The following BICC1 variants were observed in gnomAD, a reference collection of about 807,000 sequenced individuals.
BICC1 encodes BicC family RNA binding protein 1.
A neutral mutation model predicts 111.0 loss-of-function variants in BICC1; 43 were observed. The observed-to-expected ratio is 0.39, with a 90% CI of 0.30 to 0.50. The LOEUF is 0.50. BICC1 is among the 20% of genes least tolerant of loss of function. The pLI is 0.88. For synonymous variants in BICC1, 467 were observed against 434.4 expected (o/e 1.07, Z -0.93); for missense variants, 1,091 against 1,203.2 (o/e 0.91, Z 1.38).
In BICC1 at chr10:58,806,518, A is replaced by G. The variant is rs542203505; in HGVS notation, c.2182-66A>G. 2.7e-4 allele frequency: 377 copies of G among 1,415,288 alleles called. 7 individuals carry two copies. The South Asian group carries it at 4.0e-3, about 15-fold the overall frequency. The allele number at this position is 1,415,288 out of a possible 1,614,324, so 87.7% of individuals were successfully genotyped here. The stretch of plus-strand genomic sequence containing the variant: ...ACACAGTCAAAACCTTTGTTCTCTA[A>G]CCATGGAGTGTTGGCATGACATTTG... On this transcript the variant is annotated intron_variant, in intron 15 of 20. Transcript: ENST00000373886.
chr10:58,536,210 A>T (rs1286949620), intron 1 of BICC1, among the ~76,000 whole-genome samples: 1 of 151,630 alleles, frequency 6.6e-6, no homozygotes, highest in Non-Finnish European at 1.5e-5. Flanking sequence ...CTCTAGAACA[A>T]ACTGACCTAA....
intron 1 of BICC1, among the ~76,000 whole-genome samples, chr10:58,555,422 T>C (rs1843423220): frequency 1.3e-5 from 2 of 151,284 alleles, no homozygotes; most frequent in South Asian, 4.2e-4. Flanking sequence ...GTAGAGTAAT[T>C]AGTAGTACTG....
chr10:58,791,832 C>T (rs1843188502), intron 8 of BICC1, among the ~76,000 whole-genome samples: 1 of 152,082 alleles, frequency 6.6e-6, no homozygotes, highest in Non-Finnish European at 1.5e-5. Context: ...TACTCTGTTG[C>T]TCAGGCTGGA....
chr10:58,615,749 G>T (rs1845582462), intron 1 of BICC1, among the ~76,000 whole-genome samples: 1 of 152,122 alleles, frequency 6.6e-6, no homozygotes, highest in South Asian at 2.1e-4. Flanking sequence ...CTGATTCCAG[G>T]TTGGGCATGT....
rs150660579 is a variant in BICC1 at position 58,661,035 on chromosome 10, T to C, written c.237+40134T>C. 6.2e-3 allele frequency among the ~76,000 whole-genome samples: 947 copies of C among 152,266 alleles called. 5 individuals are homozygous for C. The highest frequency in any genetic ancestry group is 0.011 in the East Asian group (59 of 5,172). On this transcript the variant is annotated intron_variant, in intron 2 of 20. Transcript: ENST00000373886. ...TTAATTGTGAGGCTGTAGTGGGGTGTTGATGGCTGGATTTTATTCGAATGT... is the reference window on the plus strand; with the variant it reads ...TTAATTGTGAGGCTGTAGTGGGGTGCTGATGGCTGGATTTTATTCGAATGT...
rs751150874 is a variant in BICC1, at chr10:58,793,561, G to A, written c.1125G>A (p.Met375Ile). Residue 375 changes from methionine to isoleucine, a missense_variant, in exon 9 of 21, where the codon ATG (methionine) becomes ATA (isoleucine). Met to Ile is a conservative substitution (Grantham distance 10). Transcript: ENST00000373886. Reference protein sequence around the residue: ...EVDPQFIAQLMEQLDVFISIK... With the variant: ...EVDPQFIAQLIEQLDVFISIK... Reference sequence around the variant, plus strand: ...ATCCACAATTCATTGCGCAGTTGATGGAACAGCTTGATGTCTTCATCAGTA... The same window carrying A: ...ATCCACAATTCATTGCGCAGTTGATAGAACAGCTTGATGTCTTCATCAGTA... 4 of 1,613,656 alleles carry A rather than the reference G, an allele frequency of 2.5e-6. No individual in the cohort carries two copies. In the African/African-American group the frequency reaches 4.0e-5, roughly 16 times the overall value.
intron 20 of BICC1, among the ~76,000 whole-genome samples, chr10:58,826,159 A>G (rs1036388377): frequency 6.6e-6 from 1 of 152,204 alleles, no homozygotes; most frequent in African/African-American, 2.4e-5. Context: ...TGACTCCATG[A>G]TTCAAGAAAA....
chr10:58,651,445 G>C (rs1588973608), intron 2 of BICC1, among the ~76,000 whole-genome samples: 1 of 152,148 alleles, frequency 6.6e-6, no homozygotes, highest in African/African-American at 2.4e-5. Context: ...TTTTAGCTAT[G>C]GACAATGTGA....
At chr10:58,570,267 G>A (rs925932117) in intron 1 of BICC1, among the ~76,000 whole-genome samples, 3 of 152,232 alleles carry the variant, frequency 2.0e-5, no homozygotes, top group Non-Finnish European at 2.9e-5. Context: ...GTAGTATCCA[G>A]TTCTGATGTC....
chr10:58,621,862 C>T (rs1034592201), intron 2 of BICC1, among the ~76,000 whole-genome samples: 1 of 151,400 alleles, frequency 6.6e-6, no homozygotes, highest in South Asian at 2.1e-4. Flanking sequence ...TGTGCCACTG[C>T]ACTCCAGCCT....
At chr10:58,572,237 A>G (rs1445765178) in intron 1 of BICC1, among the ~76,000 whole-genome samples, 1 of 152,096 alleles carries the variant, frequency 6.6e-6, no homozygotes, top group Admixed American at 6.6e-5. Flanking sequence ...TCTTTGTCAG[A>G]TGAATGGATT....
intron 3 of BICC1, among the ~76,000 whole-genome samples, chr10:58,769,404 G>GTGTGTGTGTGTGTGTGTATA (rs1050060686): frequency 9.1e-6 from 1 of 109,746 alleles, no homozygotes; most frequent in African/African-American, 3.2e-5. Flanking sequence ...GTGTGTGTGT[G>GTGTGTGTGTGTGTGTGTATA]TATATATATA....
chr10:58,722,889 G>A (rs1840984192), intron 3 of BICC1, among the ~76,000 whole-genome samples: 1 of 150,804 alleles, frequency 6.6e-6, no homozygotes, highest in African/African-American at 2.4e-5. Context: ...GAAATTAGAG[G>A]GTGGTGTTTA....
chr10:58,582,037 A>G (rs1564497069), intron 1 of BICC1, among the ~76,000 whole-genome samples: 1 of 150,752 alleles, frequency 6.6e-6, no homozygotes, highest in Non-Finnish European at 1.5e-5. Flanking sequence ...AAATTGTAGC[A>G]TTCTCTGCAC....
chr10:58,718,826 A>C (rs1393162546), intron 3 of BICC1, among the ~76,000 whole-genome samples: 1 of 151,300 alleles, frequency 6.6e-6, no homozygotes, highest in African/African-American at 2.4e-5. Context: ...GTGTGCGTGC[A>C]TGTTTGCCCT....
chr10:58,576,071 T>G (rs776154639), intron 1 of BICC1, among the ~76,000 whole-genome samples: 19 of 152,168 alleles, frequency 1.2e-4, no homozygotes, highest in Non-Finnish European at 2.8e-4. Context: ...GTCACATCTT[T>G]GAAGAGCCGA....
chr10:58,735,929 C>G (rs1841452818), intron 3 of BICC1, among the ~76,000 whole-genome samples: 1 of 152,200 alleles, frequency 6.6e-6, no homozygotes, highest in East Asian at 1.9e-4. Context: ...GTGTTCCCAT[C>G]TCACATGCTC....
intron 1 of BICC1, among the ~76,000 whole-genome samples, chr10:58,532,150 A>G (rs1481901827): frequency 1.3e-5 from 2 of 151,856 alleles, no homozygotes; most frequent in African/African-American, 2.4e-5. Context: ...CCAAAAACAA[A>G]AATCTTAAGG....
chr10:58,676,890 G>C (rs1464172022), intron 2 of BICC1, among the ~76,000 whole-genome samples: 3 of 152,192 alleles, frequency 2.0e-5, no homozygotes, highest in African/African-American at 7.2e-5. Context: ...GCCTCCGCTG[G>C]TGATATCGAG....
Sources: gnomAD v4.1 joint callset for allele counts (sites outside exome capture counted in the v4.1 genomes callset) on GRCh38, gnomAD v4.1.1 for gene constraint, MANE v1.5 for transcripts, NCBI Gene and HGNC (gene_info 2026-07-23, HGNC 2026-07-21) for gene names.